The following ACOX2 variants were observed in gnomAD, a reference collection of about 807,000 sequenced individuals.
ACOX2 encodes peroxisomal acyl-coenzyme A oxidase 2.
In ACOX2, 59 loss-of-function variants were observed where a neutral mutation model predicts 77.5. That is an observed-to-expected ratio of 0.76 (90% CI 0.62 to 0.95). The LOEUF is 0.95. Among genes scored for constraint, ACOX2 ranks in the 40% least tolerant of loss-of-function variants. ACOX2 has a pLI of 0.00. For missense variants in ACOX2, 837 were observed against 880.4 expected (o/e 0.95, Z 0.62); for synonymous variants, 317 against 340.1 (o/e 0.93, Z 0.75).
chr3:58,511,518 T>G (rs1262978776), intron 13 of ACOX2: 2 of 192,888 alleles, frequency 1.0e-5, no homozygotes, highest in African/African-American at 4.8e-5. Context: ...GATCAAGTCT[T>G]TTGCAAAAGC....
intron 12 of ACOX2, among the ~76,000 whole-genome samples, chr3:58,518,621 T>C (rs536853487): frequency 2.3e-4 from 35 of 152,282 alleles, no homozygotes; most frequent in Middle Eastern, 3.4e-3. Context: ...AGAGAAAGTA[T>C]AAAGCAGTGC....
chr3:58,505,255 G>GACCACTTTTACATAT lies in ACOX2; in HGVS notation c.2014_2015insATATGTAAAAGTGGT (p.Pro672delinsHisMetTer). On this transcript the variant is annotated stop_gained and protein_altering_variant, in exon 15 of 15. Transcript: ENST00000302819. LOFTEE classifies it high-confidence loss of function. The surrounding 1 kb of genome is among the most constrained non-coding windows in gnomAD (Gnocchi z 4.4). ...CTTGGATCTCCAACTTTGTAAAAGT[G>GACCACTTTTACATAT]GTCTTATATATTCCTCATAGGCAGG... The GACCACTTTTACATAT allele has an allele frequency of 6.2e-7, 1 of 1,612,980 alleles. No homozygotes were observed. The highest frequency in any genetic ancestry group is 8.5e-7 in the Non-Finnish European group (1 of 1,179,604).
At chr3:58,510,662 AAATATATATATAT>A (rs2063275161) in intron 13 of ACOX2, among the ~76,000 whole-genome samples, 2 of 12,280 alleles carry the variant, frequency 1.6e-4, no homozygotes, top group African/African-American at 3.2e-4. Flanking sequence ...AAAAAAAAAA[AAATATATATATAT>A]ATATATATAT....
At chr3:58,527,515 G>A (rs1158529338) in intron 9 of ACOX2, among the ~76,000 whole-genome samples, 1 of 135,918 alleles carries the variant, frequency 7.4e-6, no homozygotes, top group Non-Finnish European at 1.5e-5. Context: ...CAGCCTGGGT[G>A]ACAGAGTGAG....
At position 58,521,804 on chromosome 3, in the gene ACOX2, C is replaced by T. The variant is rs1437446250; in HGVS notation, c.1632+692G>A. ...GGTCCTCCTTGGGAGATTTGCACTT[C>T]CTCCCAAGCACACCAGGATCCTTCT... On this transcript the variant is annotated intron_variant, in intron 12 of 14. Transcript: ENST00000302819. This position sits in a 1 kb window ranked among gnomAD's most constrained non-coding sequence, Gnocchi z 4.8. 1.3e-5 allele frequency among the ~76,000 whole-genome samples: 2 copies of T among 152,216 alleles called. No individual in the cohort carries two copies. Among genetic ancestry groups the T allele is most frequent in the Non-Finnish European group, 2.9e-5 (2 of 68,042 alleles).
Position 58,534,887 on chromosome 3 carries a change from C to A in ACOX2, c.160+60G>T. 3 of 1,606,956 alleles carry A rather than the reference C, an allele frequency of 1.9e-6. No homozygotes were observed. The highest frequency in any genetic ancestry group is 2.6e-6 in the Non-Finnish European group (3 of 1,174,850). ...GAAGCAGAACTGCTAATGAAGGACT[C>A]TTCTTACAAGAGAAGCATGGGGCAT... On this transcript the variant is annotated intron_variant, in intron 2 of 14. Transcript: ENST00000302819. This position sits in a 1 kb window ranked among gnomAD's most constrained non-coding sequence, Gnocchi z 4.8.
rs1485046847 is a variant in ACOX2, at chr3:58,525,434, C to T, written c.1347-829G>A. Among the ~76,000 whole-genome samples the T allele has an allele frequency of 6.6e-6, 1 of 152,156 alleles. No homozygotes were observed. The highest frequency in any genetic ancestry group is 1.5e-5 in the Non-Finnish European group (1 of 68,038). On this transcript the variant is annotated intron_variant, in intron 10 of 14. Transcript: ENST00000302819. This position sits in a 1 kb window ranked among gnomAD's most constrained non-coding sequence, Gnocchi z 5.0. ...CTGTCGGCCTCCAGGGCCCACAGACCTAAGAGGGATGAAAAGAAATCGCCT... is the reference window on the plus strand; with the variant it reads ...CTGTCGGCCTCCAGGGCCCACAGACTTAAGAGGGATGAAAAGAAATCGCCT...
intron 13 of ACOX2, among the ~76,000 whole-genome samples, chr3:58,516,234 G>A (rs887513137): frequency 1.3e-5 from 2 of 152,218 alleles, no homozygotes; most frequent in Non-Finnish European, 2.9e-5. Flanking sequence ...GAAGATTAAG[G>A]TAAGTTTACT....
intron 14 of ACOX2, among the ~76,000 whole-genome samples, chr3:58,507,600 C>G (rs951169246): frequency 1.3e-5 from 2 of 152,206 alleles, no homozygotes; most frequent in Non-Finnish European, 2.9e-5. Flanking sequence ...CACCAAAGGG[C>G]ACACATTTAT....
At chr3:58,517,158 A>G in intron 13 of ACOX2, 48 bp downstream of exon 13, 1 of 1,589,322 alleles carries the variant, frequency 6.3e-7, no homozygotes, top group African/African-American at 1.3e-5. Flanking sequence ...AACAAGGGGT[A>G]GGGTTATTCT....
At position 58,533,195 on chromosome 3, in the gene ACOX2, C is replaced by T. The variant is rs57954706; in HGVS notation, c.583+250G>A. ...GAGTGAGGCCTTGTCTCTCATGGAT[C>T]GATTGTCTCCTCTACTTCAAAGTTC... On this transcript the variant is annotated intron_variant, in intron 5 of 14. Transcript: ENST00000302819. The surrounding 1 kb of genome is among the most constrained non-coding windows in gnomAD (Gnocchi z 5.6). Among the ~76,000 whole-genome samples the T allele has an allele frequency of 0.067, 10,176 of 152,060 alleles. 632 individuals are homozygous for T. The highest frequency in any genetic ancestry group is 0.22 in the East Asian group (1,128 of 5,146).
chr3:58,518,350 G>A (rs142370477), intron 12 of ACOX2, among the ~76,000 whole-genome samples: 93 of 152,250 alleles, frequency 6.1e-4, no homozygotes, highest in African/African-American at 1.9e-3. Context: ...TCAACCCTGT[G>A]AGAGCCCCTT....
Position 58,514,516 on chromosome 3 carries a change from A to G in ACOX2, c.1850+2690T>C, listed in dbSNP as rs2063308710. On this transcript the variant is annotated intron_variant, in intron 13 of 14. Transcript: ENST00000302819. This position sits in a 1 kb window ranked among gnomAD's most constrained non-coding sequence, Gnocchi z 4.3. ...GCCGCCCTTCAGTTTTCATCTCAGA[A>G]ATCTTAGGGAGATAGTGACTAATCA... is the stretch of plus-strand genomic sequence containing the variant. Among the ~76,000 whole-genome samples, 1 of 152,186 alleles carries G rather than the reference A, an allele frequency of 6.6e-6. No individual in the cohort carries two copies. The highest frequency in any genetic ancestry group is 2.4e-5 in the African/African-American group (1 of 41,442).
chr3:58,524,297 C>G lies in ACOX2; in HGVS notation c.1526+129G>C, dbSNP rs948964258. 8.4e-7 allele frequency: 1 copy of G among 1,197,450 alleles called. No individual in the cohort carries two copies. Among genetic ancestry groups the G allele is most frequent in the South Asian group, 1.6e-5 (1 of 64,212 alleles). The allele number at this position is 1,197,450 out of a possible 1,614,324, so 74.2% of individuals were successfully genotyped here. A position where few individuals can be genotyped will look rare whatever the true frequency, so the allele number is the denominator to read the frequency against. On this transcript the variant is annotated intron_variant, in intron 11 of 14. Coordinates refer to ENST00000302819, the MANE Select transcript of ACOX2 (RefSeq NM_003500.4). This position sits in a 1 kb window ranked among gnomAD's most constrained non-coding sequence, Gnocchi z 5.5. Reference sequence around the variant, plus strand: ...CCATGGTGGCAGGAACTGAGAGGACCGGGGAGGCTAGGCATGGGGTGGTTT... The same window carrying G: ...CCATGGTGGCAGGAACTGAGAGGACGGGGGAGGCTAGGCATGGGGTGGTTT...
chr3:58,522,406 G>A lies in ACOX2; in HGVS notation c.1632+90C>T, dbSNP rs1576994048. 2 of 1,274,882 alleles carry A rather than the reference G, an allele frequency of 1.6e-6. No individual in the cohort carries two copies. Among genetic ancestry groups the A allele is most frequent in the Non-Finnish European group, 1.1e-6 (1 of 886,002 alleles). 79.0% of individuals were successfully genotyped at this position (1,274,882 alleles called of 1,614,324 possible). A position where few individuals can be genotyped will look rare whatever the true frequency, so the allele number is the denominator to read the frequency against. On this transcript the variant is annotated intron_variant, in intron 12 of 14. Coordinates refer to ENST00000302819, the MANE Select transcript of ACOX2 (RefSeq NM_003500.4). The surrounding 1 kb of genome is among the most constrained non-coding windows in gnomAD (Gnocchi z 4.3). ...CAGCCGCCACTGAAGCAGAGTTGGG[G>A]AATAATGGCAGAGCCCGGATTTTCC... is the stretch of plus-strand genomic sequence containing the variant.
Position 58,534,994 on chromosome 3 carries a change from T to C in ACOX2, c.113A>G (p.Asn38Ser), listed in dbSNP as rs750521843. The C allele has an allele frequency of 5.0e-6, 8 of 1,614,072 alleles. No individual in the cohort carries two copies. In the East Asian group the frequency reaches 8.9e-5, roughly 18 times the overall value. Residue 38 changes from asparagine (N) to serine (S), a missense_variant, in exon 2 of 15, where the codon AAC becomes AGC. Coordinates refer to ENST00000302819, the MANE Select transcript of ACOX2 (RefSeq NM_003500.4). The surrounding 1 kb of genome is among the most constrained non-coding windows in gnomAD (Gnocchi z 4.8). ...MQSFDVERLT[N>S]ILDGGAQNTA... Reference sequence around the variant, plus strand: ...GTTCTGGGCACCTCCATCAAGGATGTTGGTGAGCCGTTCCACGTCAAAGGA... The same window carrying C: ...GTTCTGGGCACCTCCATCAAGGATGCTGGTGAGCCGTTCCACGTCAAAGGA...
At chr3:58,513,931 C>G (rs1359926809) in intron 13 of ACOX2, among the ~76,000 whole-genome samples, 2 of 152,140 alleles carry the variant, frequency 1.3e-5, no homozygotes, top group African/African-American at 4.8e-5. Flanking sequence ...AGAGAAGGAT[C>G]ATCTTACCAT....
chr3:58,522,818 C>T lies in ACOX2; in HGVS notation c.1527-217G>A. On this transcript the variant is annotated intron_variant, in intron 11 of 14. Coordinates refer to ENST00000302819, the MANE Select transcript of ACOX2 (RefSeq NM_003500.4). This position sits in a 1 kb window ranked among gnomAD's most constrained non-coding sequence, Gnocchi z 4.3. Reference sequence around the variant, plus strand: ...AAAACTGAGTCCCAGAGAGGTTAACCAATTTGTCCAGGGTCACACAGCTAG... The same window carrying T: ...AAAACTGAGTCCCAGAGAGGTTAACTAATTTGTCCAGGGTCACACAGCTAG... The T allele has an allele frequency of 2.0e-6, 1 of 507,810 alleles. No homozygotes were observed. 31.5% of individuals were successfully genotyped at this position (507,810 alleles called of 1,614,324 possible).
chr3:58,517,076 A>G, intron 13 of ACOX2, 130 bp downstream of exon 13: 1 of 842,526 alleles, frequency 1.2e-6, no homozygotes, highest in East Asian at 2.6e-5. Context: ...TAATGATAAT[A>G]GGGTGTAGAC....
Sources: gnomAD v4.1 joint callset for allele counts (sites outside exome capture counted in the v4.1 genomes callset) on GRCh38, gnomAD v4.1.1 for gene constraint, Gnocchi (gnomAD v3.1) non-coding constraint, MANE v1.5 for transcripts, NCBI Gene and HGNC (gene_info 2026-07-23, HGNC 2026-07-21) for gene names.